ALDH3A2: variants seen among roughly 807,000 people sequenced by gnomAD.
The protein encoded by ALDH3A2 is aldehyde dehydrogenase family 3 member A2.
ALDH3A2 carries 36 observed loss-of-function variants against 51.3 expected under a neutral mutation model. The ratio of observed to expected loss-of-function variants is 0.70; its 90% CI spans 0.54 to 0.93. The LOEUF is 0.93. Ranked by LOEUF, ALDH3A2 falls within the 40% of genes least tolerant of loss-of-function variation. ALDH3A2 has a pLI of 0.00. For missense variants in ALDH3A2, 552 were observed against 603.1 expected (o/e 0.92, Z 0.89); for synonymous variants, 199 against 219.8 (o/e 0.91, Z 0.84).
At chr17:19,652,656 CA>C in intron 3 of ALDH3A2, 24 bp downstream of exon 3, 3 of 1,542,082 alleles carry the variant, frequency 1.9e-6, no homozygotes, top group Non-Finnish European at 2.7e-6. Flanking sequence ...GACTCATCTC[CA>C]ACATATGTGT....
chr17:19,657,817 A>G lies in ALDH3A2; in HGVS notation c.753A>G (p.Ala251=). 1 of 1,613,944 alleles carries G rather than the reference A, an allele frequency of 6.2e-7. No homozygotes were observed. The highest frequency in any genetic ancestry group is 1.1e-5 in the South Asian group (1 of 91,076). The change falls in exon 5 of 10, where the codon GCA becomes GCG. Residue 251 remains alanine, a synonymous_variant. Coordinates refer to ENST00000176643, the MANE Select transcript of ALDH3A2 (RefSeq NM_000382.3). ...CACCCGACTATATTCTCTGTGAAGC[A>G]TCCCTCCAAAATCAAATTGTATGGA... is the stretch of plus-strand genomic sequence containing the variant. The part of the protein sequence containing the change: ...CIAPDYILCE[A]SLQNQIVWKI...
At position 19,663,420 on chromosome 17, in the gene ALDH3A2, A is replaced by C; in HGVS notation, c.1028A>C (p.Lys343Thr). 6.2e-7 allele frequency: 1 copy of C among 1,614,216 alleles called. No individual in the cohort carries two copies. Among genetic ancestry groups the C allele is most frequent in the South Asian group, 1.1e-5 (1 of 91,084 alleles). ...FGPILPIVPV[K>T]NVDEAINFIN... ...CCAATTCTTCCAATAGTGCCTGTGA[A>C]AAATGTAGATGAGGCCATAAATTTC... is the stretch of plus-strand genomic sequence containing the variant. Residue 343 changes from lysine to threonine, a missense_variant, in exon 7 of 10, where the codon AAA becomes ACA. Physicochemically the swap from Lys to Thr is moderately conservative, Grantham distance 78. Coordinates refer to ENST00000176643, the MANE Select transcript of ALDH3A2 (RefSeq NM_000382.3).
chr17:19,660,805 C>CTTCT (rs2084956064), intron 5 of ALDH3A2, among the ~76,000 whole-genome samples: 1 of 152,252 alleles, frequency 6.6e-6, no homozygotes, highest in Non-Finnish European at 1.5e-5. Context: ...CAGAGCAAGA[C>CTTCT]TTCTTTCCCC....
intron 6 of ALDH3A2, among the ~76,000 whole-genome samples, chr17:19,662,545 C>A (rs976191033): frequency 1.3e-5 from 2 of 152,178 alleles, no homozygotes; most frequent in Admixed American, 1.3e-4. Context: ...ACATTGGCAG[C>A]AGATGCTGGG....
At chr17:19,673,289 GT>G (rs1469282820) in intron 9 of ALDH3A2, 2 of 1,612,696 alleles carry the variant, frequency 1.2e-6, no homozygotes, top group Non-Finnish European at 1.7e-6. Flanking sequence ...GGAACTTTTT[GT>G]TTTCTTTCTA....
At position 19,657,862 on chromosome 17, in the gene ALDH3A2, GGTTTGT is replaced by G. The variant is rs1057517352; in HGVS notation, c.798+1_798+6del. The G allele has an allele frequency of 1.3e-6, 2 of 1,591,976 alleles. No individual in the cohort carries two copies. Among genetic ancestry groups the G allele is most frequent in the Admixed American group, 3.3e-5 (2 of 59,982 alleles). ...TATGGAAGATTAAGGAAACAGTGAA[GGTTTGT>G]ATTAAAAACATCTGATTCCACTGAT... On this transcript the variant is annotated splice_donor_variant and splice_donor_5th_base_variant and intron_variant, in intron 5 of 9. Transcript: ENST00000176643. LOFTEE classifies it high-confidence loss of function.
In ALDH3A2 at chr17:19,649,093, TC is replaced by T; in HGVS notation, c.124del (p.Leu42Ter). 1 of 1,581,458 alleles carries T rather than the reference TC, an allele frequency of 6.3e-7. No homozygotes were observed. Among genetic ancestry groups the T allele is most frequent in the Non-Finnish European group, 8.6e-7 (1 of 1,164,268 alleles). ...ATGGTGCAGGAGCGCGAGAAGGATA[TC>T]CTGACGGCCATCGCCGCCGACCTGT... ...RRMVQEREKD[I>X]LTAIAADLCK... On this transcript the variant is annotated frameshift_variant, in exon 1 of 10. Coordinates refer to ENST00000176643, the MANE Select transcript of ALDH3A2 (RefSeq NM_000382.3). LOFTEE classifies it high-confidence loss of function.
At chr17:19,656,666 T>C in intron 4 of ALDH3A2, 92 bp downstream of exon 4, 1 of 1,233,300 alleles carries the variant, frequency 8.1e-7, no homozygotes, top group South Asian at 1.3e-5. Flanking sequence ...CCCCATACCT[T>C]ATGGCTCCAA....
chr17:19,668,617 T>TAGC (rs1421382707), intron 8 of ALDH3A2, among the ~76,000 whole-genome samples: 1 of 149,296 alleles, frequency 6.7e-6, no homozygotes, highest in Non-Finnish European at 1.5e-5. Flanking sequence ...TTTCCCTATT[T>TAGC]CATTATTATA....
rs2084862606 is a variant in ALDH3A2 at position 19,654,282 on chromosome 17, A to C, written c.471+1650A>C. ...GATCCCACGCCGGGGCTGTGGGTGG[A>C]GCTGCCCATCAGTCCAGCGCTGCGC... On this transcript the variant is annotated intron_variant, in intron 3 of 9. Coordinates refer to ENST00000176643, the MANE Select transcript of ALDH3A2 (RefSeq NM_000382.3). This position sits in a 1 kb window ranked among gnomAD's most constrained non-coding sequence, Gnocchi z 4.5. Among the ~76,000 whole-genome samples the C allele has an allele frequency of 6.6e-6, 1 of 152,262 alleles. No individual in the cohort carries two copies. The highest frequency in any genetic ancestry group is 2.4e-5 in the African/African-American group (1 of 41,476).
At chr17:19,665,577 A>G (rs909029343) in intron 8 of ALDH3A2, among the ~76,000 whole-genome samples, 5 of 152,242 alleles carry the variant, frequency 3.3e-5, no homozygotes, top group Admixed American at 3.3e-4. Context: ...TGATTTGAGT[A>G]AAACGGGACT....
At chr17:19,675,381 C>A in intron 9 of ALDH3A2, 177 bp from the exon 10 acceptor site, 1 of 686,664 alleles carries the variant, frequency 1.5e-6, no homozygotes, top group Non-Finnish European at 2.6e-6. Flanking sequence ...AATCCTTTGG[C>A]CTAAACCGTG....
intron 8 of ALDH3A2, among the ~76,000 whole-genome samples, chr17:19,670,564 T>C (rs1488429039): frequency 1.6e-5 from 2 of 125,926 alleles, no homozygotes; most frequent in Admixed American, 7.6e-5. Context: ...TCCCTTATTC[T>C]TTTTTTTTTT....
chr17:19,655,187 G>C (rs1223258242), intron 3 of ALDH3A2: 1 of 152,206 alleles, frequency 6.6e-6, no homozygotes, highest in African/African-American at 2.4e-5. Flanking sequence ...GCGAAATACA[G>C]CTTAAAAATA....
In ALDH3A2 at chr17:19,651,544, CAG is replaced by C. The variant is rs1428029642; in HGVS notation, c.154_155del. ...AAGATTAACTGTGATTCTCTTATAA[CAG>C]AGTGAATTCAATGTGTACAGTCAGG... is the stretch of plus-strand genomic sequence containing the variant. On this transcript the variant is annotated splice_acceptor_variant, in intron 1 of 9. Coordinates refer to ENST00000176643, the MANE Select transcript of ALDH3A2 (RefSeq NM_000382.3). LOFTEE classifies it high-confidence loss of function. 1.2e-6 allele frequency: 2 copies of C among 1,606,936 alleles called. No individual in the cohort carries two copies. The highest frequency in any genetic ancestry group is 2.7e-5 in the African/African-American group (2 of 74,760).
chr17:19,663,416 G>C lies in ALDH3A2; in HGVS notation c.1024G>C (p.Val342Leu). The C allele has an allele frequency of 6.2e-7, 1 of 1,614,152 alleles. No individual in the cohort carries two copies. The highest frequency in any genetic ancestry group is 1.1e-5 in the South Asian group (1 of 91,086). ...TGGACCAATTCTTCCAATAGTGCCT[G>C]TGAAAAATGTAGATGAGGCCATAAA... ...IFGPILPIVP[V>L]KNVDEAINFI... Residue 342 changes from valine (V) to leucine (L), a missense_variant, in exon 7 of 10, where the codon GTG becomes CTG. Coordinates refer to ENST00000176643, the MANE Select transcript of ALDH3A2 (RefSeq NM_000382.3).
intron 9 of ALDH3A2, 197 bp from the exon 10 acceptor site, chr17:19,675,361 G>T (rs1597577067): frequency 1.6e-6 from 1 of 624,668 alleles, no homozygotes; most frequent in Non-Finnish European, 2.9e-6. Flanking sequence ...TGTTTTTTGA[G>T]GAAGGGCATA....
chr17:19,658,426 T>C (rs537266707), intron 5 of ALDH3A2, among the ~76,000 whole-genome samples: 1 of 151,960 alleles, frequency 6.6e-6, no homozygotes, highest in South Asian at 2.1e-4. Flanking sequence ...GGATTTAAGT[T>C]GGTAGAAAGG....
At position 19,649,347 on chromosome 17, in the gene ALDH3A2, C is replaced by G. The variant is rs117553817; in HGVS notation, c.153+223C>G. On this transcript the variant is annotated intron_variant, in intron 1 of 9. Coordinates refer to ENST00000176643, the MANE Select transcript of ALDH3A2 (RefSeq NM_000382.3). ...CCTAGCTTCTGTGGTTCCTTTTCTG[C>G]CTTTTCTATTCTTGTCCATTTTTCT... The G allele has an allele frequency of 0.025, 14,261 of 563,978 alleles. 253 individuals are homozygous for G. Among genetic ancestry groups the G allele is most frequent in the Non-Finnish European group, 0.035 (11,405 of 329,046 alleles). 34.9% of individuals were successfully genotyped at this position (563,978 alleles called of 1,614,324 possible).
Sources: allele counts gnomAD v4.1 joint callset (sites outside exome capture counted in the v4.1 genomes callset), GRCh38; gene constraint gnomAD v4.1.1; non-coding constraint Gnocchi (gnomAD v3.1); transcripts MANE v1.5; gene names NCBI Gene and HGNC (gene_info 2026-07-23, HGNC 2026-07-21).